Variants in AKAP13 observed in about 807,000 individuals in gnomAD.
AKAP13 encodes A-kinase anchor protein 13.
A neutral mutation model predicts 264.5 loss-of-function variants in AKAP13; 80 were observed. That is an observed-to-expected ratio of 0.30 (90% confidence interval 0.25 to 0.36). AKAP13 has a LOEUF of 0.36. Ranked by LOEUF, AKAP13 falls within the 10% of genes least tolerant of loss-of-function variation. The pLI is 1.00. For missense variants in AKAP13, 3,712 were observed against 3,435.2 expected, an observed-to-expected ratio of 1.08 and a Z score of -2.01; for synonymous variants, 1,380 against 1,250.2, an observed-to-expected ratio of 1.10 and a Z score of -2.19.
rs1033920792 is a variant in AKAP13 at position 85,746,152 on chromosome 15, C to G, written c.*1475C>G. ...CCCTCGGAAGCATGGGGCTTTTGAG[C>G]ACACTTAAAAAAAGAAAAATCTGTA... On this transcript the variant is annotated 3_prime_UTR_variant, in exon 37 of 37. Transcript: ENST00000394518. The G allele has an allele frequency of 6.6e-6, 1 of 152,510 alleles. No homozygotes were observed. The highest frequency in any genetic ancestry group is 1.5e-5 in the Non-Finnish European group (1 of 68,032). The allele number at this position is 152,510 out of a possible 1,614,324, so 9.4% of individuals were successfully genotyped here. A position where few individuals can be genotyped will look rare whatever the true frequency, so the allele number is the denominator to read the frequency against.
intron 1 of AKAP13, among the ~76,000 whole-genome samples, chr15:85,397,932 A>C (rs1596038911): frequency 6.6e-6 from 1 of 152,192 alleles, no homozygotes; most frequent in Non-Finnish European, 1.5e-5. Context: ...TACTCTACAA[A>C]CCCTTGTCTC....
chr15:85,488,537 G>A (rs1416488689), intron 2 of AKAP13, among the ~76,000 whole-genome samples: 1 of 152,166 alleles, frequency 6.6e-6, no homozygotes, highest in Non-Finnish European at 1.5e-5. Flanking sequence ...ATGGCAAAAA[G>A]AACTTTTCAT....
intron 2 of AKAP13, among the ~76,000 whole-genome samples, chr15:85,497,050 C>T (rs1008461153): frequency 2.0e-4 from 30 of 152,144 alleles, no homozygotes; most frequent in African/African-American, 6.5e-4. Context: ...CTTTTCAGAG[C>T]CTTTTTACAG....
intron 5 of AKAP13, among the ~76,000 whole-genome samples, chr15:85,569,087 T>C (rs1340066700): frequency 6.6e-6 from 1 of 152,234 alleles, no homozygotes; most frequent in Non-Finnish European, 1.5e-5. Flanking sequence ...AACAGTGGTT[T>C]CATAAATGGA....
intron 7 of AKAP13, chr15:85,582,814 A>C (rs1429228479): frequency 5.2e-6 from 5 of 958,440 alleles, no homozygotes; most frequent in Non-Finnish European, 6.2e-6. Context: ...GATAGGATGC[A>C]GGATTTCCGC....
chr15:85,428,878 C>T (rs2072910764), intron 1 of AKAP13, among the ~76,000 whole-genome samples: 1 of 152,184 alleles, frequency 6.6e-6, no homozygotes, highest in South Asian at 2.1e-4. Flanking sequence ...TTCTGAGTTT[C>T]CACCTGGAGA....
intron 1 of AKAP13, among the ~76,000 whole-genome samples, chr15:85,466,590 G>A (rs2151013321): frequency 6.6e-6 from 1 of 152,302 alleles, no homozygotes; most frequent in East Asian, 1.9e-4. Flanking sequence ...AGTTTTCCCA[G>A]CACCATTTAT....
intron 12 of AKAP13, among the ~76,000 whole-genome samples, chr15:85,664,142 G>C (rs1382457865): frequency 6.6e-6 from 1 of 152,166 alleles, no homozygotes; most frequent in Non-Finnish European, 1.5e-5. Context: ...TACCCAGTTT[G>C]CCTTCTGAAA....
chr15:85,417,693 A>C (rs376538371), intron 1 of AKAP13, among the ~76,000 whole-genome samples: 2 of 152,220 alleles, frequency 1.3e-5, no homozygotes, highest in Admixed American at 1.3e-4. Context: ...CTGTATTCCA[A>C]CCATTACGTT....
At position 85,547,192 on chromosome 15, in the gene AKAP13, A is replaced by G. The variant is rs937357955; in HGVS notation, c.662+3237A>G. On this transcript the variant is annotated intron_variant, in intron 5 of 36. Transcript: ENST00000394518. ...GCTATGTATATTTTACATTTATTGA[A>G]TAACTAGTTGCATTCTACACTTTAC... Among the ~76,000 whole-genome samples the G allele has an allele frequency of 2.4e-4, 36 of 152,368 alleles. 1 individual carries two copies. Among genetic ancestry groups the G allele is most frequent in the African/African-American group, 8.2e-4 (34 of 41,578 alleles).
intron 17 of AKAP13, among the ~76,000 whole-genome samples, chr15:85,703,710 G>C (rs989537180): frequency 1.3e-5 from 2 of 151,992 alleles, no homozygotes; most frequent in African/African-American, 4.8e-5. Flanking sequence ...AGGCGTAGTG[G>C]CATGGACCGG....
chr15:85,662,427 C>T (rs144219907), intron 12 of AKAP13: 186 of 1,614,012 alleles, frequency 1.2e-4, no homozygotes, highest in Middle Eastern at 4.9e-4. Context: ...ACTCTGCTGG[C>T]CTGAGTGCTG....
At chr15:85,695,449 T>C (rs889938882) in intron 17 of AKAP13, among the ~76,000 whole-genome samples, 7 of 152,156 alleles carry the variant, frequency 4.6e-5, no homozygotes, top group Admixed American at 6.5e-5. Flanking sequence ...GATTGGAAGT[T>C]ACTTCTGTGA....
chr15:85,741,706 A>AC (rs1339007770), intron 35 of AKAP13, among the ~76,000 whole-genome samples: 28 of 60,154 alleles, frequency 4.7e-4, no homozygotes, highest in African/African-American at 1.3e-3. Context: ...CTAAAAAAAA[A>AC]AAAAAAAAAA....
intron 1 of AKAP13, among the ~76,000 whole-genome samples, chr15:85,450,304 C>CTGAAAT (rs2074038621): frequency 6.6e-6 from 1 of 151,974 alleles, no homozygotes; most frequent in Non-Finnish European, 1.5e-5. Flanking sequence ...TGGATCTTCT[C>CTGAAAT]TCTTTTCTTC....
chr15:85,460,945 C>CA (rs1182782290), intron 1 of AKAP13, among the ~76,000 whole-genome samples: 3 of 112,948 alleles, frequency 2.7e-5, no homozygotes, highest in Non-Finnish European at 6.1e-5. Context: ...AATGGGGGAA[C>CA]AGAGTTTTTT....
intron 2 of AKAP13, among the ~76,000 whole-genome samples, chr15:85,509,075 G>A (rs1009726720): frequency 2.8e-4 from 43 of 152,134 alleles, no homozygotes; most frequent in African/African-American, 7.2e-5. Flanking sequence ...CTCCATGAGG[G>A]CAAAGGGCCT....
intron 17 of AKAP13, among the ~76,000 whole-genome samples, chr15:85,694,918 T>C (rs2085485238): frequency 6.6e-6 from 1 of 152,228 alleles, no homozygotes; most frequent in Admixed American, 6.5e-5. Flanking sequence ...ATATCCCAAG[T>C]AATTTCTTAC....
chr15:85,475,647 A>T (rs970286975), intron 1 of AKAP13, among the ~76,000 whole-genome samples: 2 of 152,198 alleles, frequency 1.3e-5, no homozygotes, highest in African/African-American at 2.4e-5. Flanking sequence ...TCTCTGGCAG[A>T]TTAAGCAAAT....
Sources: allele counts gnomAD v4.1 joint callset (sites outside exome capture counted in the v4.1 genomes callset), GRCh38; gene constraint gnomAD v4.1.1; transcripts MANE v1.5; gene names NCBI Gene and HGNC (gene_info 2026-07-23, HGNC 2026-07-21).